CBFA2T2: variants seen among roughly 807,000 people sequenced by gnomAD.
The protein encoded by CBFA2T2 is protein CBFA2T2.
In CBFA2T2, 11 loss-of-function variants were observed where a neutral mutation model predicts 62.2. That is an observed-to-expected ratio of 0.18 (90% CI 0.11 to 0.29). The LOEUF is 0.29. Ranked by LOEUF, CBFA2T2 falls within the 10% of genes least tolerant of loss-of-function variation. The pLI is 1.00. For synonymous variants in CBFA2T2, 295 were observed against 287.5 expected, an observed-to-expected ratio of 1.03 and a Z score of -0.27; for missense variants, 592 against 774.1, an observed-to-expected ratio of 0.76 and a Z score of 2.79.
chr20:33,553,716 T>A (rs2012806173), intron 1 of CBFA2T2, among the ~76,000 whole-genome samples: 2 of 152,228 alleles, frequency 1.3e-5, no homozygotes, highest in Non-Finnish European at 2.9e-5. Context: ...GCTATAAGTT[T>A]GCTGACTTCT....
At chr20:33,520,790 T>C (rs1175070841) in intron 1 of CBFA2T2, among the ~76,000 whole-genome samples, 1 of 151,630 alleles carries the variant, frequency 6.6e-6, no homozygotes, top group East Asian at 1.9e-4. Flanking sequence ...AAAAGAAATA[T>C]CTTAAATAAC....
intron 1 of CBFA2T2, among the ~76,000 whole-genome samples, chr20:33,566,050 G>A (rs937611667): frequency 6.6e-6 from 1 of 152,112 alleles, no homozygotes; most frequent in Non-Finnish European, 1.5e-5. Context: ...TATTAGGGTT[G>A]GAAAGGATCC....
At chr20:33,500,396 A>G (rs192387407) in intron 1 of CBFA2T2, among the ~76,000 whole-genome samples, 80 of 151,918 alleles carry the variant, frequency 5.3e-4, no homozygotes, top group African/African-American at 1.4e-3. Context: ...TCTTTCCCTA[A>G]CAACTCTTCT....
intron 1 of CBFA2T2, among the ~76,000 whole-genome samples, chr20:33,519,131 C>G (rs922508694): frequency 6.6e-6 from 1 of 152,026 alleles, no homozygotes; most frequent in African/African-American, 2.4e-5. Context: ...GTTTTGCATC[C>G]ATGAATTCAG....
intron 1 of CBFA2T2, among the ~76,000 whole-genome samples, chr20:33,549,044 G>A (rs528572652): frequency 6.6e-6 from 1 of 152,244 alleles, no homozygotes; most frequent in Non-Finnish European, 1.5e-5. Context: ...CTATATAAAA[G>A]TGAAACCACG....
At chr20:33,557,907 C>G (rs1234020470) in intron 1 of CBFA2T2, among the ~76,000 whole-genome samples, 1 of 151,932 alleles carries the variant, frequency 6.6e-6, no homozygotes, top group East Asian at 1.9e-4. Flanking sequence ...GCGATCTCGG[C>G]TCACCGCAAC....
Position 33,623,043 on chromosome 20 carries a change from T to C in CBFA2T2, c.511-72T>C, listed in dbSNP as rs2016053922. On this transcript the variant is annotated intron_variant, in intron 4 of 10. Transcript: ENST00000342704. ...CTTTTATCTTGTATCATCTGCTTTG[T>C]GAAAGCCCTTTGAGGTGCTGAGCCT... 2.1e-6 allele frequency: 3 copies of C among 1,445,506 alleles called. No individual in the cohort carries two copies. The East Asian group carries it at 6.9e-5, about 33-fold the overall frequency. 89.5% of individuals were successfully genotyped at this position (1,445,506 alleles called of 1,614,324 possible). A position where few individuals can be genotyped will look rare whatever the true frequency, so the allele number is the denominator to read the frequency against.
chr20:33,543,957 C>CT (rs1191424252), intron 1 of CBFA2T2, among the ~76,000 whole-genome samples: 1 of 152,156 alleles, frequency 6.6e-6, no homozygotes, highest in Non-Finnish European at 1.5e-5. Flanking sequence ...AACATCTTAC[C>CT]TTTACCCCTT....
At position 33,611,350 on chromosome 20, in the gene CBFA2T2, A is replaced by G; in HGVS notation, c.420+15A>G. 1 of 1,610,602 alleles carries G rather than the reference A, an allele frequency of 6.2e-7. No individual in the cohort carries two copies. The highest frequency in any genetic ancestry group is 1.7e-4 in the Middle Eastern group (1 of 6,046). On this transcript the variant is annotated intron_variant, in intron 3 of 10. Transcript: ENST00000342704. ...TTGCACTGGTGGTAAGTACAGCCTC[A>G]CTGTTGTTCTCAGCTGCCTGAGTAT...
intron 1 of CBFA2T2, among the ~76,000 whole-genome samples, chr20:33,577,575 G>A (rs1349450755): frequency 2.0e-5 from 3 of 152,174 alleles, no homozygotes; most frequent in Non-Finnish European, 4.4e-5. Flanking sequence ...AGAAAGACAG[G>A]AACTATATAG....
intron 1 of CBFA2T2, among the ~76,000 whole-genome samples, chr20:33,521,967 T>C (rs2011742178): frequency 6.6e-6 from 1 of 152,090 alleles, no homozygotes. Flanking sequence ...AGAGAGTTCC[T>C]TGTAAGGCTA....
intron 2 of CBFA2T2, among the ~76,000 whole-genome samples, chr20:33,607,386 T>C (rs1236374445): frequency 1.3e-5 from 2 of 152,236 alleles, no homozygotes; most frequent in East Asian, 3.8e-4. Flanking sequence ...ATTTAAATTA[T>C]TATATTGCCT....
intron 2 of CBFA2T2, among the ~76,000 whole-genome samples, chr20:33,607,850 G>A (rs1193245585): frequency 1.3e-5 from 2 of 152,072 alleles, no homozygotes; most frequent in African/African-American, 2.4e-5. Flanking sequence ...GCCAAGGCTC[G>A]GGCAGAATTC....
At position 33,647,780 on chromosome 20, in the gene CBFA2T2, T is replaced by C. The variant is rs539064435; in HGVS notation, c.*3134T>C. Reference sequence around the variant, plus strand: ...GGCTGTGGTTGCTGTGACAGTTTCGTTTTCTGAATCTTTGTAATGCTCTTC... The same window carrying C: ...GGCTGTGGTTGCTGTGACAGTTTCGCTTTCTGAATCTTTGTAATGCTCTTC... On this transcript the variant is annotated 3_prime_UTR_variant, in exon 11 of 11. Transcript: ENST00000342704. 1 of 152,292 alleles carries C rather than the reference T, an allele frequency of 6.6e-6. No homozygotes were observed. The highest frequency in any genetic ancestry group is 1.5e-5 in the Non-Finnish European group (1 of 68,110). 9.4% of individuals were successfully genotyped at this position (152,292 alleles called of 1,614,324 possible). A position where few individuals can be genotyped will look rare whatever the true frequency, so the allele number is the denominator to read the frequency against.
At chr20:33,497,822 A>G (rs1187284889) in intron 1 of CBFA2T2, among the ~76,000 whole-genome samples, 1 of 152,086 alleles carries the variant, frequency 6.6e-6, no homozygotes, top group African/African-American at 2.4e-5. Context: ...TGCTGGGATT[A>G]CAGGCGTGAG....
chr20:33,624,667 C>T, intron 5 of CBFA2T2, 97 bp from the exon 6 acceptor site: 1 of 1,359,686 alleles, frequency 7.4e-7, no homozygotes, highest in Admixed American at 1.9e-5. Flanking sequence ...TTTATGCCAG[C>T]ATGTAGCAAA....
intron 1 of CBFA2T2, among the ~76,000 whole-genome samples, chr20:33,561,292 C>T (rs1167951458): frequency 2.6e-5 from 4 of 152,024 alleles, no homozygotes; most frequent in Non-Finnish European, 5.9e-5. Context: ...CCAGGCTGAT[C>T]TCAAACGCCT....
In CBFA2T2 at chr20:33,522,174, CT is replaced by C. The variant is rs537312832; in HGVS notation, c.34+31875del. Among the ~76,000 whole-genome samples, 14 of 152,214 alleles carry C rather than the reference CT, an allele frequency of 9.2e-5. No homozygotes were observed. In the East Asian group the frequency reaches 2.7e-3, roughly 29 times the overall value. ...CTAGAGTACATTCATGACCCTCACC[CT>C]TAATTACTTCACAGGTGAGAAAACC... On this transcript the variant is annotated intron_variant, in intron 1 of 10. Transcript: ENST00000342704.
chr20:33,628,338 A>C lies in CBFA2T2; in HGVS notation c.947-12A>C, dbSNP rs1294162148. 6.3e-7 allele frequency: 1 copy of C among 1,589,470 alleles called. No homozygotes were observed. The highest frequency in any genetic ancestry group is 1.3e-5 in the African/African-American group (1 of 74,476). On this transcript the variant is annotated splice_polypyrimidine_tract_variant and intron_variant, in intron 6 of 10. Coordinates refer to ENST00000342704, the MANE Select transcript of CBFA2T2 (RefSeq NM_001032999.3). ...CCTGCTATCTTTGAATTTAATCTGT[A>C]ATTTCTAATAGGTCTAAATGGAGGC...
Sources: gnomAD v4.1 joint callset for allele counts (sites outside exome capture counted in the v4.1 genomes callset) on GRCh38, gnomAD v4.1.1 for gene constraint, MANE v1.5 for transcripts, NCBI Gene and HGNC (gene_info 2026-07-23, HGNC 2026-07-21) for gene names.